PKP4: variants seen among roughly 807,000 people sequenced by gnomAD.
PKP4 encodes plakophilin 4, also known as plakophilin-4.
Under a neutral mutation model 145.1 loss-of-function variants are expected in PKP4, and 90 were observed. The ratio of observed to expected loss-of-function variants is 0.62; its 90% CI spans 0.52 to 0.74. The LOEUF (loss-of-function observed/expected upper bound fraction) is 0.74, where lower values mean the gene tolerates loss of function less well. Among genes scored for constraint, PKP4 ranks in the 30% least tolerant of loss-of-function variants. The probability of loss-of-function intolerance (pLI) is 0.00; values close to 1 mark genes in which losing one functional copy is unlikely to be tolerated. For missense variants in PKP4, 1,340 were observed against 1,482.7 expected (o/e 0.90, Z 1.58); for synonymous variants, 563 against 577.2 (o/e 0.98, Z 0.35).
intron 4 of PKP4, among the ~76,000 whole-genome samples, chr2:158,611,865 G>A (rs997378563): frequency 1.3e-5 from 2 of 152,034 alleles, no homozygotes; most frequent in Non-Finnish European, 2.9e-5. Flanking sequence ...CAGCTGTAGA[G>A]TACAAGTTTC....
intron 14 of PKP4, 81 bp from the exon 15 acceptor site, chr2:158,663,190 AG>A: frequency 6.6e-7 from 1 of 1,515,750 alleles, no homozygotes; most frequent in Non-Finnish European, 9.0e-7. Flanking sequence ...GCTATAGCTG[AG>A]TCCCGCAAAG....
intron 1 of PKP4, among the ~76,000 whole-genome samples, chr2:158,486,087 G>T (rs946246756): frequency 6.6e-6 from 1 of 152,014 alleles, no homozygotes; most frequent in Non-Finnish European, 1.5e-5. Context: ...AAGGAAAATT[G>T]GAATTTATAA....
intron 3 of PKP4, among the ~76,000 whole-genome samples, chr2:158,601,330 G>A (rs1206895362): frequency 6.6e-6 from 1 of 152,054 alleles, no homozygotes; most frequent in Non-Finnish European, 1.5e-5. Flanking sequence ...TTTCCGGATG[G>A]CAGTTTGATT....
At chr2:158,578,531 T>C (rs1343703252) in intron 3 of PKP4, among the ~76,000 whole-genome samples, 2 of 151,970 alleles carry the variant, frequency 1.3e-5, no homozygotes, top group African/African-American at 4.8e-5. Flanking sequence ...AAAACAAAAA[T>C]TAGCTTTAAT....
intron 1 of PKP4, among the ~76,000 whole-genome samples, chr2:158,489,792 T>C (rs1159013539): frequency 6.6e-6 from 1 of 152,252 alleles, no homozygotes; most frequent in Admixed American, 6.5e-5. Context: ...GACAAAAGTA[T>C]ACATTTTAAA....
intron 3 of PKP4, among the ~76,000 whole-genome samples, chr2:158,597,986 A>AT (rs11392229): frequency 0.72 from 107,423 of 149,896 alleles, 39,543 homozygotes; most frequent in Non-Finnish European, 0.8. Flanking sequence ...ATGCCCGGCA[A>AT]TTTTTTTTTT....
At chr2:158,653,193 A>G (rs2055562212) in intron 11 of PKP4, among the ~76,000 whole-genome samples, 1 of 152,246 alleles carries the variant, frequency 6.6e-6, no homozygotes, top group South Asian at 2.1e-4. Context: ...AAACAGTTGT[A>G]TAGGCTGCCA....
intron 4 of PKP4, among the ~76,000 whole-genome samples, chr2:158,612,609 A>G (rs1479858212): frequency 6.6e-6 from 1 of 152,126 alleles, no homozygotes; most frequent in Non-Finnish European, 1.5e-5. Flanking sequence ...TGGTAGTCCT[A>G]TCTACACTTA....
intron 2 of PKP4, among the ~76,000 whole-genome samples, chr2:158,561,030 C>T (rs2046468687): frequency 6.6e-6 from 1 of 152,172 alleles, no homozygotes; most frequent in South Asian, 2.1e-4. Flanking sequence ...TTATAGCCTG[C>T]AAGCTAAGAA....
At chr2:158,674,825 TTATC>T (rs1235544513) in intron 19 of PKP4, among the ~76,000 whole-genome samples, 2 of 152,224 alleles carry the variant, frequency 1.3e-5, no homozygotes, top group Non-Finnish European at 2.9e-5. Context: ...CTTTTAAATA[TTATC>T]TATTTTATTC....
rs536131977 is a variant in PKP4, at chr2:158,634,243, G to A, written c.1516G>A (p.Gly506Ser). 9.3e-6 allele frequency: 15 copies of A among 1,613,944 alleles called. No individual in the cohort carries two copies. In the South Asian group the frequency reaches 1.5e-4, roughly 17 times the overall value. Residue 506 changes from glycine (G) to serine (S), a missense_variant, in exon 9 of 22, where the codon GGC becomes AGC. Coordinates refer to ENST00000389759, the MANE Select transcript of PKP4 (RefSeq NM_003628.6). ...TCAGCATGCAGTGCCGGCTGATGAT[G>A]GCACCACAAGATCCCCATCAATAGA... ...RLQHAVPADD[G>S]TTRSPSIDSI...
chr2:158,504,464 C>G lies in PKP4; in HGVS notation c.-5-28716C>G, dbSNP rs112266552. Among the ~76,000 whole-genome samples, 788 of 152,310 alleles carry G rather than the reference C, an allele frequency of 5.2e-3. 4 individuals are homozygous for G. Among genetic ancestry groups the G allele is most frequent in the African/African-American group, 0.018 (745 of 41,568 alleles). On this transcript the variant is annotated intron_variant, in intron 1 of 21. Transcript: ENST00000389759. Reference sequence around the variant, plus strand: ...CTTTACTATTTCTTTGCTTCTCATTCTTGTAGTCCTGAGGATGGTTGTCTC... The same window carrying G: ...CTTTACTATTTCTTTGCTTCTCATTGTTGTAGTCCTGAGGATGGTTGTCTC...
chr2:158,668,202 T>C (rs2057276466), intron 16 of PKP4, among the ~76,000 whole-genome samples: 1 of 150,424 alleles, frequency 6.6e-6, no homozygotes, highest in South Asian at 2.1e-4. Flanking sequence ...GCTGGAGCAC[T>C]CTTGAACTGT....
At chr2:158,547,416 C>T (rs1383154279) in intron 2 of PKP4, among the ~76,000 whole-genome samples, 1 of 152,142 alleles carries the variant, frequency 6.6e-6, no homozygotes, top group Non-Finnish European at 1.5e-5. Context: ...TAAAAGAGTA[C>T]GTACTGATTT....
At position 158,661,315 on chromosome 2, in the gene PKP4, C is replaced by T; in HGVS notation, c.2094-18C>T. The T allele has an allele frequency of 6.3e-7, 1 of 1,584,272 alleles. No homozygotes were observed. Among genetic ancestry groups the T allele is most frequent in the Non-Finnish European group, 8.7e-7 (1 of 1,153,736 alleles). On this transcript the variant is annotated intron_variant, in intron 12 of 21. Transcript: ENST00000389759. Reference sequence around the variant, plus strand: ...GCATGGTTCATCTCAGCAGCTCCTCCTGTCTCCACCCCTTTAGGAACCTCA... The same window carrying T: ...GCATGGTTCATCTCAGCAGCTCCTCTTGTCTCCACCCCTTTAGGAACCTCA...
At chr2:158,670,501 C>T (rs748021328) in intron 17 of PKP4, among the ~76,000 whole-genome samples, 4 of 152,150 alleles carry the variant, frequency 2.6e-5, no homozygotes, top group Non-Finnish European at 5.9e-5. Context: ...TTGGAAGGGA[C>T]ACAGACCTTC....
chr2:158,471,179 A>G (rs1034997096), intron 1 of PKP4, among the ~76,000 whole-genome samples: 7 of 152,182 alleles, frequency 4.6e-5, no homozygotes, highest in Non-Finnish European at 1.5e-5. Context: ...TTTAAGATAG[A>G]GTGGACTTAA....
chr2:158,535,652 G>T (rs183150417), intron 2 of PKP4, among the ~76,000 whole-genome samples: 1 of 151,970 alleles, frequency 6.6e-6, no homozygotes, highest in Non-Finnish European at 1.5e-5. Flanking sequence ...ACTCCTGGCC[G>T]CATGCAGTCC....
chr2:158,588,647 A>G (rs911048188), intron 3 of PKP4, among the ~76,000 whole-genome samples: 4 of 152,214 alleles, frequency 2.6e-5, no homozygotes, highest in African/African-American at 9.6e-5. Flanking sequence ...TTTTAAGAAT[A>G]TGAACATTAG....
Sources: allele counts gnomAD v4.1 joint callset (sites outside exome capture counted in the v4.1 genomes callset), GRCh38; gene constraint gnomAD v4.1.1; transcripts MANE v1.5; gene names NCBI Gene and HGNC (gene_info 2026-07-23, HGNC 2026-07-21).